Variants in SLC35D2 observed in about 807,000 individuals in gnomAD.
SLC35D2 encodes the protein solute carrier family 35 member D2.
Under a neutral mutation model 41.8 loss-of-function variants are expected in SLC35D2, and 43 were observed. That is an observed-to-expected ratio of 1.03 (90% CI 0.81 to 1.33). SLC35D2 has a LOEUF of 1.33. Ranked by LOEUF, SLC35D2 falls within the 40% of genes most tolerant of loss-of-function variation. SLC35D2 has a pLI of 0.00. For missense variants in SLC35D2, 380 were observed against 408.4 expected, an observed-to-expected ratio of 0.93 and a Z score of 0.60; for synonymous variants, 150 against 163.9, an observed-to-expected ratio of 0.92 and a Z score of 0.65.
At position 96,379,163 on chromosome 9, in the gene SLC35D2, C is replaced by T. The variant is rs557361189; in HGVS notation, c.158+4314G>A. The stretch of plus-strand genomic sequence containing the variant: ...AAAAAAAAAAAATGCAAAAATTAGC[C>T]GGGTGTGGTGGTACACTCCTATAGT... On this transcript the variant is annotated intron_variant, in intron 1 of 11. Transcript: ENST00000253270. Among the ~76,000 whole-genome samples, 37 of 151,212 alleles carry T rather than the reference C, an allele frequency of 2.4e-4. 1 individual carries two copies. In the South Asian group the frequency reaches 6.7e-3, roughly 28 times the overall value.
intron 8 of SLC35D2, among the ~76,000 whole-genome samples, chr9:96,343,380 G>A (rs1286170562): frequency 6.6e-6 from 1 of 152,210 alleles, no homozygotes; most frequent in East Asian, 1.9e-4. Context: ...GGCTGGGATA[G>A]GTTTTAAAAT....
chr9:96,326,374 G>A (rs988075678), intron 9 of SLC35D2, among the ~76,000 whole-genome samples: 5 of 152,038 alleles, frequency 3.3e-5, no homozygotes, highest in East Asian at 3.8e-4. Flanking sequence ...CATTGTTTAG[G>A]GGATTTTAAT....
intron 7 of SLC35D2, among the ~76,000 whole-genome samples, chr9:96,344,566 TA>T (rs567587419): frequency 0.3 from 17,228 of 57,332 alleles, 2,782 homozygotes; most frequent in African/African-American, 0.55. Flanking sequence ...ACAGAGCAGA[TA>T]AAAAAAAAAA....
intron 1 of SLC35D2, among the ~76,000 whole-genome samples, chr9:96,376,294 CA>C (rs1163220771): frequency 0.042 from 2,311 of 54,446 alleles, 48 homozygotes; most frequent in African/African-American, 0.13. Context: ...GACTCTGTCT[CA>C]AAAAAAAAAA....
intron 1 of SLC35D2, among the ~76,000 whole-genome samples, chr9:96,380,816 T>G (rs928514817): frequency 8.5e-5 from 13 of 152,062 alleles, no homozygotes; most frequent in Non-Finnish European, 1.6e-4. Context: ...TTTCCTTCAT[T>G]AGCTTCCATG....
At chr9:96,352,969 C>T (rs1014354744) in intron 4 of SLC35D2, among the ~76,000 whole-genome samples, 1 of 151,874 alleles carries the variant, frequency 6.6e-6, no homozygotes, top group Non-Finnish European at 1.5e-5. Context: ...ACCCGTGAGG[C>T]GGAGGTTGCA....
chr9:96,338,822 CAA>C (rs985499276), intron 8 of SLC35D2, among the ~76,000 whole-genome samples: 2 of 152,018 alleles, frequency 1.3e-5, no homozygotes, highest in Non-Finnish European at 2.9e-5. Context: ...TTAAGGTAGT[CAA>C]AGACCAAAAC....
chr9:96,380,642 T>G (rs146085035), intron 1 of SLC35D2, among the ~76,000 whole-genome samples: 150 of 151,842 alleles, frequency 9.9e-4, no homozygotes, highest in South Asian at 2.7e-3. Flanking sequence ...TTGTTTGTTT[T>G]TTTTGTATTT....
At chr9:96,348,306 C>A (rs141188023) in intron 6 of SLC35D2, among the ~76,000 whole-genome samples, 105 of 152,306 alleles carry the variant, frequency 6.9e-4, no homozygotes, top group African/African-American at 2.3e-3. Flanking sequence ...CCTTTAAGAG[C>A]CAGTGCATAA....
At chr9:96,336,047 CT>C (rs199938214) in intron 9 of SLC35D2, among the ~76,000 whole-genome samples, 16,384 of 117,488 alleles carry the variant, frequency 0.14, 1,128 homozygotes, top group South Asian at 0.27. Context: ...AAGACTCCAT[CT>C]TCAAAAAAAA....
At position 96,351,211 on chromosome 9, in the gene SLC35D2, GA is replaced by G. The variant is rs767682892; in HGVS notation, c.420-41del. Reference sequence around the variant, plus strand: ...CAAATAAGAAAGGAAAGGGAGCAGAGAGGAAAACATTGAAATATGATTATAT... The same window carrying G: ...CAAATAAGAAAGGAAAGGGAGCAGAGGGAAAACATTGAAATATGATTATAT... On this transcript the variant is annotated intron_variant, in intron 5 of 11. Transcript: ENST00000253270. 1.3e-5 allele frequency: 17 copies of G among 1,341,148 alleles called. No homozygotes were observed. In the Middle Eastern group the frequency reaches 5.4e-4, roughly 43 times the overall value. The allele number at this position is 1,341,148 out of a possible 1,614,324, so 83.1% of individuals were successfully genotyped here.
chr9:96,373,194 C>T (rs1051359495), intron 1 of SLC35D2, among the ~76,000 whole-genome samples: 4 of 152,102 alleles, frequency 2.6e-5, no homozygotes, highest in East Asian at 1.9e-4. Context: ...CCATCACCCC[C>T]GGCCCAATAA....
chr9:96,365,119 T>C (rs1257714752), intron 2 of SLC35D2, among the ~76,000 whole-genome samples: 1 of 150,632 alleles, frequency 6.6e-6, no homozygotes, highest in Non-Finnish European at 1.5e-5. Flanking sequence ...TTTGGGAAGC[T>C]GAGGTGGGAA....
intron 1 of SLC35D2, among the ~76,000 whole-genome samples, chr9:96,378,081 G>T (rs1177626735): frequency 7.3e-6 from 1 of 137,424 alleles, no homozygotes; most frequent in African/African-American, 3.3e-5. Context: ...TTCCAATTCA[G>T]TACCTTTTAT....
Position 96,375,611 on chromosome 9 carries a change from G to A in SLC35D2, c.159-7306C>T, listed in dbSNP as rs533221487. The stretch of plus-strand genomic sequence containing the variant: ...AAAAAAGGTATTGATTCTAGGTAGT[G>A]GGAATTATTATTGTCTTCTTTGCTC... On this transcript the variant is annotated intron_variant, in intron 1 of 11. Transcript: ENST00000253270. 3.3e-5 allele frequency among the ~76,000 whole-genome samples: 5 copies of A among 152,148 alleles called. No homozygotes were observed. The South Asian group carries it at 1.0e-3, about 32-fold the overall frequency.
chr9:96,342,923 A>G (rs759336109), intron 8 of SLC35D2, among the ~76,000 whole-genome samples: 17 of 152,214 alleles, frequency 1.1e-4, no homozygotes, highest in Non-Finnish European at 2.1e-4. Flanking sequence ...ATATGGAAAC[A>G]CTGTCCTGTC....
In SLC35D2 at chr9:96,341,947, A is replaced by T. The variant is rs189815979; in HGVS notation, c.684+1957T>A. Among the ~76,000 whole-genome samples the T allele has an allele frequency of 7.3e-3, 1,109 of 151,044 alleles. 6 individuals carry two copies. The highest frequency in any genetic ancestry group is 0.024 in the Middle Eastern group (7 of 294). ...TAGATTTATATTTTTGGAAAAAAAA[A>T]ATATATATATATCTAAAATACCAGA... On this transcript the variant is annotated intron_variant, in intron 8 of 11. Transcript: ENST00000253270.
At chr9:96,353,885 G>A (rs1829914654) in intron 4 of SLC35D2, among the ~76,000 whole-genome samples, 1 of 152,170 alleles carries the variant, frequency 6.6e-6, no homozygotes, top group African/African-American at 2.4e-5. Flanking sequence ...GATGAGCTAG[G>A]GAAAGAAAGT....
intron 7 of SLC35D2, among the ~76,000 whole-genome samples, chr9:96,344,509 TAA>T (rs35407925): frequency 2.0e-4 from 2 of 10,024 alleles, no homozygotes; most frequent in African/African-American, 6.5e-4. Flanking sequence ...CTTCTACCGT[TAA>T]AAAAAAAAAA....
Sources: allele counts gnomAD v4.1 joint callset (sites outside exome capture counted in the v4.1 genomes callset), GRCh38; gene constraint gnomAD v4.1.1; transcripts MANE v1.5; gene names NCBI Gene and HGNC (gene_info 2026-07-23, HGNC 2026-07-21).